GTF3C3: variants seen among roughly 807,000 people sequenced by gnomAD.
GTF3C3 encodes general transcription factor IIIC subunit 3.
GTF3C3 carries 75 observed loss-of-function variants against 105.2 expected under a neutral mutation model. That is an observed-to-expected ratio of 0.71 (90% CI 0.59 to 0.86). The LOEUF (loss-of-function observed/expected upper bound fraction) is 0.86, where lower values mean the gene tolerates loss of function less well. Ranked by LOEUF, GTF3C3 falls within the 40% of genes least tolerant of loss-of-function variation. GTF3C3 has a pLI of 0.00. For synonymous variants in GTF3C3, 335 were observed against 370.4 expected (o/e 0.90, Z 1.10); for missense variants, 856 against 1,076.5 (o/e 0.80, Z 2.87).
chr2:196,788,482 A>T (rs1699490642), intron 6 of GTF3C3, among the ~76,000 whole-genome samples: 2 of 152,264 alleles, frequency 1.3e-5, no homozygotes, highest in Admixed American at 6.5e-5. Context: ...CAACTGTAAA[A>T]GAGAATTTTT....
chr2:196,763,914 C>A lies in GTF3C3; in HGVS notation c.*649G>T, dbSNP rs1699013747. The A allele has an allele frequency of 6.6e-6, 1 of 152,036 alleles. No individual in the cohort carries two copies. 9.4% of individuals were successfully genotyped at this position (152,036 alleles called of 1,614,324 possible). ...ACCATGTCCTGTTATTGAACAAGCTCTTCTCTATTTTTTCATCAGAAAGCC... is the reference window on the plus strand; with the variant it reads ...ACCATGTCCTGTTATTGAACAAGCTATTCTCTATTTTTTCATCAGAAAGCC... On this transcript the variant is annotated 3_prime_UTR_variant, in exon 18 of 18. Transcript: ENST00000263956.
intron 10 of GTF3C3, chr2:196,778,141 G>A (rs931348902): frequency 1.3e-5 from 2 of 152,128 alleles, no homozygotes; most frequent in African/African-American, 4.8e-5. Flanking sequence ...ATACTTAAGA[G>A]CCATTAGTTT....
rs1328981729 is a variant in GTF3C3, at chr2:196,763,502, T to C, written c.*1061A>G. The C allele has an allele frequency of 1.3e-5, 2 of 152,244 alleles. No individual in the cohort carries two copies. The highest frequency in any genetic ancestry group is 2.9e-5 in the Non-Finnish European group (2 of 68,048). 9.4% of individuals were successfully genotyped at this position (152,244 alleles called of 1,614,324 possible). The stretch of plus-strand genomic sequence containing the variant: ...GCATTTAAATTATACACATGGAGTA[T>C]ACAATATATTTACTTATTGCATACA... On this transcript the variant is annotated 3_prime_UTR_variant, in exon 18 of 18. Coordinates refer to ENST00000263956, the MANE Select transcript of GTF3C3 (RefSeq NM_012086.5).
In GTF3C3 at chr2:196,799,594, C is replaced by A. The variant is rs750472607; in HGVS notation, c.18G>T (p.Pro6=). The A allele has an allele frequency of 7.1e-5, 114 of 1,613,274 alleles. 1 individual carries two copies. The East Asian group carries it at 2.5e-3, about 36-fold the overall frequency. The change falls in exon 1 of 18, where the codon CCG becomes CCT. Residue 6 remains proline, a synonymous_variant. Coordinates refer to ENST00000263956, the MANE Select transcript of GTF3C3 (RefSeq NM_012086.5). The part of the protein sequence containing the change: MSGFS[P]ELIDYLEGKI... ...TCCCTTCCAAGTAGTCGATGAGTTC[C>A]GGACTGAACCCTGACATGTTTACAG...
At chr2:196,769,797 G>A (rs927790251) in intron 16 of GTF3C3, 118 bp downstream of exon 16, 52 of 769,428 alleles carry the variant, frequency 6.8e-5, no homozygotes, top group Admixed American at 2.2e-4. Flanking sequence ...GGGGACCCCC[G>A]TCATGTGTAC....
In GTF3C3 at chr2:196,776,326, A is replaced by G; in HGVS notation, c.1593+101T>C. Reference sequence around the variant, plus strand: ...TTTTCAAAAACTTGAATACACTAAAATAAAATTTTGGATATAAGCTATAGA... The same window carrying G: ...TTTTCAAAAACTTGAATACACTAAAGTAAAATTTTGGATATAAGCTATAGA... On this transcript the variant is annotated intron_variant, in intron 11 of 17. Coordinates refer to ENST00000263956, the MANE Select transcript of GTF3C3 (RefSeq NM_012086.5). The surrounding 1 kb of genome is among the most constrained non-coding windows in gnomAD (Gnocchi z 4.5). 1.0e-6 allele frequency: 1 copy of G among 996,658 alleles called. No individual in the cohort carries two copies. 61.7% of individuals were successfully genotyped at this position (996,658 alleles called of 1,614,324 possible).
Position 196,764,576 on chromosome 2 carries a change from T to C in GTF3C3, c.2648A>G (p.Tyr883Cys). The C allele has an allele frequency of 1.9e-6, 3 of 1,613,980 alleles. No individual in the cohort carries two copies. Among genetic ancestry groups the C allele is most frequent in the East Asian group, 2.2e-5 (1 of 44,870 alleles). ...AGTTGCGGTGCTTTATATAGAACAA[T>C]AGGTATACAAAAGCGTTTGAGCCAT... ...TGMAQTLLYT[Y>C]CSI The change falls in exon 18 of 18, where the codon TAT (tyrosine) becomes TGT (cysteine). Residue 883 changes from tyrosine to cysteine, a missense_variant. Physicochemically the swap from Tyr to Cys is radical, Grantham distance 194 (BLOSUM62 -2). This residue lies in a region of GTF3C3 where 134 missense variants were observed against 128.9 expected (regional missense o/e 1.04). Transcript: ENST00000263956.
Position 196,784,844 on chromosome 2 carries a change from A to G in GTF3C3, c.1114+13T>C. 1 of 1,602,750 alleles carries G rather than the reference A, an allele frequency of 6.2e-7. No homozygotes were observed. The highest frequency in any genetic ancestry group is 8.5e-7 in the Non-Finnish European group (1 of 1,175,888). On this transcript the variant is annotated intron_variant, in intron 8 of 17. Transcript: ENST00000263956. ...GGATTATATACACTTTCCTAAGCAG[A>G]GGAAACTACAACCTTTATTCTCTTC...
rs1699258800 is a variant in GTF3C3, at chr2:196,776,327, T to C, written c.1593+100A>G. 1.0e-6 allele frequency: 1 copy of C among 1,004,084 alleles called. No individual in the cohort carries two copies. Among genetic ancestry groups the C allele is most frequent in the African/African-American group, 1.6e-5 (1 of 62,022 alleles). The allele number at this position is 1,004,084 out of a possible 1,614,324, so 62.2% of individuals were successfully genotyped here. On this transcript the variant is annotated intron_variant, in intron 11 of 17. Coordinates refer to ENST00000263956, the MANE Select transcript of GTF3C3 (RefSeq NM_012086.5). This position sits in a 1 kb window ranked among gnomAD's most constrained non-coding sequence, Gnocchi z 4.5. Reference sequence around the variant, plus strand: ...TTTCAAAAACTTGAATACACTAAAATAAAATTTTGGATATAAGCTATAGAG... The same window carrying C: ...TTTCAAAAACTTGAATACACTAAAACAAAATTTTGGATATAAGCTATAGAG...
intron 15 of GTF3C3, among the ~76,000 whole-genome samples, chr2:196,770,679 G>C (rs1035652397): frequency 3.3e-5 from 5 of 152,056 alleles, no homozygotes; most frequent in Non-Finnish European, 7.4e-5. Flanking sequence ...TCTCATAAAG[G>C]AATAACATAT....
At chr2:196,774,634 CAT>C (rs1699230668) in intron 13 of GTF3C3, among the ~76,000 whole-genome samples, 2 of 152,138 alleles carry the variant, frequency 1.3e-5, no homozygotes, top group Non-Finnish European at 2.9e-5. Flanking sequence ...CATAAGGAAA[CAT>C]GGTTAAAAAC....
intron 16 of GTF3C3, among the ~76,000 whole-genome samples, chr2:196,767,324 A>G (rs1699085966): frequency 6.6e-6 from 1 of 152,222 alleles, no homozygotes; most frequent in Admixed American, 6.5e-5. Flanking sequence ...CAGTCCAAAA[A>G]GCAACTTGTT....
At chr2:196,791,603 G>A in intron 3 of GTF3C3, 143 bp from the exon 4 acceptor site, 3 of 622,614 alleles carry the variant, frequency 4.8e-6, no homozygotes, top group Non-Finnish European at 8.1e-6. Flanking sequence ...GAACTAAATA[G>A]TTGCAATTCT....
chr2:196,786,172 AT>A lies in GTF3C3; in HGVS notation c.894-585del, dbSNP rs1403626720. ...ATGAGCAGTATTACTACAGTTACCT[AT>A]TTCAGTACTTCTCAAACCTAAATAA... On this transcript the variant is annotated intron_variant, in intron 6 of 17. Transcript: ENST00000263956. The surrounding 1 kb of genome is among the most constrained non-coding windows in gnomAD (Gnocchi z 4.2). 6.6e-6 allele frequency among the ~76,000 whole-genome samples: 1 copy of A among 152,130 alleles called. No individual in the cohort carries two copies. The highest frequency in any genetic ancestry group is 1.5e-5 in the Non-Finnish European group (1 of 68,022).
At chr2:196,783,888 G>A (rs910240105) in intron 8 of GTF3C3, among the ~76,000 whole-genome samples, 17 of 152,086 alleles carry the variant, frequency 1.1e-4, no homozygotes, top group African/African-American at 4.1e-4. Flanking sequence ...CACACACCTA[G>A]CAGTCCCTTA....
chr2:196,768,089 C>T (rs545741340), intron 16 of GTF3C3, among the ~76,000 whole-genome samples: 3 of 152,326 alleles, frequency 2.0e-5, no homozygotes, highest in South Asian at 4.1e-4. Context: ...GTGATCTCAG[C>T]TCATTGCAAC....
At chr2:196,775,690 C>T (rs1007264441) in intron 12 of GTF3C3, among the ~76,000 whole-genome samples, 1 of 152,058 alleles carries the variant, frequency 6.6e-6, no homozygotes, top group Non-Finnish European at 1.5e-5. Flanking sequence ...AAGCTGGACT[C>T]GGAAAGAATA....
intron 2 of GTF3C3, among the ~76,000 whole-genome samples, chr2:196,796,437 G>A (rs1162376025): frequency 6.6e-6 from 1 of 152,194 alleles, no homozygotes; most frequent in Non-Finnish European, 1.5e-5. Context: ...GGAAAAAAGA[G>A]CAGCTCCTCC....
rs756301206 is a variant in GTF3C3, at chr2:196,764,570, G to GAAC, written c.2651_2653dup (p.Cys884dup). ...GTTCTCAGTTGCGGTGCTTTATATA[G>GAAC]AACAATAGGTATACAAAAGCGTTTG... On this transcript the variant is annotated inframe_insertion, in exon 18 of 18. Transcript: ENST00000263956. 71 of 1,613,664 alleles carry GAAC rather than the reference G, an allele frequency of 4.4e-5. 1 individual carries two copies. Among genetic ancestry groups the GAAC allele is most frequent in the Non-Finnish European group, 5.8e-5 (68 of 1,179,800 alleles).
Sources: allele counts gnomAD v4.1 joint callset (sites outside exome capture counted in the v4.1 genomes callset), GRCh38; gene constraint gnomAD v4.1.1; regional missense constraint gnomAD v4.1.1; non-coding constraint Gnocchi (gnomAD v3.1); transcripts MANE v1.5; gene names NCBI Gene and HGNC (gene_info 2026-07-23, HGNC 2026-07-21).